Variants in GRM1 observed in about 807,000 individuals in gnomAD.
GRM1 encodes the protein glutamate metabotropic receptor 1.
In GRM1, 33 loss-of-function variants were observed where a neutral mutation model predicts 90.9. That is an observed-to-expected ratio of 0.36 (90% CI 0.28 to 0.49). The LOEUF (loss-of-function observed/expected upper bound fraction) is 0.49. Ranked by LOEUF, GRM1 falls within the 20% of genes least tolerant of loss-of-function variation. The pLI is 0.99. For missense variants in GRM1, 1,190 were observed against 1,534.3 expected (o/e 0.78, Z 3.75); for synonymous variants, 700 against 613.2 (o/e 1.14, Z -2.09).
intron 3 of GRM1, among the ~76,000 whole-genome samples, chr6:146,335,306 A>T (rs571669236): frequency 5.3e-5 from 8 of 152,262 alleles, no homozygotes; most frequent in African/African-American, 1.9e-4. Flanking sequence ...TACCTAACGC[A>T]TTGTTTCAGT....
chr6:146,320,543 G>A (rs1252907615), intron 3 of GRM1, among the ~76,000 whole-genome samples: 1 of 151,894 alleles, frequency 6.6e-6, no homozygotes, highest in Non-Finnish European at 1.5e-5. Context: ...AGAAATGGTA[G>A]CAGCAACTCT....
intron 1 of GRM1, among the ~76,000 whole-genome samples, chr6:146,032,253 T>C (rs1266708632): frequency 1.3e-5 from 2 of 152,172 alleles, no homozygotes; most frequent in African/African-American, 4.8e-5. Context: ...CCAGACTACA[T>C]TGTGTTCACA....
chr6:146,291,534 C>G (rs1216761814), intron 2 of GRM1, among the ~76,000 whole-genome samples: 1 of 151,674 alleles, frequency 6.6e-6, no homozygotes, highest in Non-Finnish European at 1.5e-5. Context: ...GAAAGTCCCC[C>G]TTGTCTTCTC....
At chr6:146,125,177 G>GA (rs891928211) in intron 1 of GRM1, among the ~76,000 whole-genome samples, 11 of 151,452 alleles carry the variant, frequency 7.3e-5, no homozygotes, top group African/African-American at 2.2e-4. Flanking sequence ...CGTTCTCTAA[G>GA]AAAAAAAATG....
intron 7 of GRM1, among the ~76,000 whole-genome samples, chr6:146,432,154 T>C (rs1398382779): frequency 6.6e-6 from 1 of 152,220 alleles, no homozygotes; most frequent in Non-Finnish European, 1.5e-5. Context: ...AGGCATATAT[T>C]TGAAAGAAAT....
intron 2 of GRM1, among the ~76,000 whole-genome samples, chr6:146,303,573 C>A (rs1783470018): frequency 6.6e-6 from 1 of 152,096 alleles, no homozygotes; most frequent in Non-Finnish European, 1.5e-5. Flanking sequence ...TAAATGTAAT[C>A]ATCAAGAATA....
intron 2 of GRM1, among the ~76,000 whole-genome samples, chr6:146,205,123 C>A (rs900042233): frequency 1.4e-4 from 22 of 152,198 alleles, no homozygotes; most frequent in African/African-American, 5.1e-4. Flanking sequence ...AAAGTGGCTT[C>A]AGGATAGTTT....
At chr6:146,217,076 C>A (rs1275553960) in intron 2 of GRM1, among the ~76,000 whole-genome samples, 1 of 152,036 alleles carries the variant, frequency 6.6e-6, no homozygotes, top group East Asian at 1.9e-4. Context: ...CTGGAGGAGC[C>A]TTGTGGGATC....
rs989318033 is a variant in GRM1, at chr6:146,256,596, G to A, written c.951-48015G>A. ...GAAGTTGATTGTGTTGCACTCCTAA[G>A]CCATCATCTTCAGCACTTTTGGATT... On this transcript the variant is annotated intron_variant, in intron 2 of 7. Transcript: ENST00000282753. Among the ~76,000 whole-genome samples the A allele has an allele frequency of 3.9e-5, 6 of 152,122 alleles. 1 individual carries two copies. The highest frequency in any genetic ancestry group is 1.9e-4 in the East Asian group (1 of 5,180).
At chr6:146,107,134 G>A (rs912664488) in intron 1 of GRM1, among the ~76,000 whole-genome samples, 6 of 151,970 alleles carry the variant, frequency 3.9e-5, no homozygotes, top group Admixed American at 1.3e-4. Flanking sequence ...GCAGGAAGAC[G>A]GCCTTCTATG....
chr6:146,217,821 T>C (rs940389582), intron 2 of GRM1, among the ~76,000 whole-genome samples: 1 of 147,020 alleles, frequency 6.8e-6, no homozygotes, highest in Non-Finnish European at 1.5e-5. Flanking sequence ...AATAGAGGAA[T>C]ATTTGCAAGG....
chr6:146,234,903 G>A (rs191118467), intron 2 of GRM1, among the ~76,000 whole-genome samples: 5 of 151,826 alleles, frequency 3.3e-5, no homozygotes, highest in Non-Finnish European at 7.4e-5. Flanking sequence ...CCACCACGCC[G>A]GACTAATTTT....
At chr6:146,370,882 T>C (rs1775872010) in intron 5 of GRM1, among the ~76,000 whole-genome samples, 2 of 152,112 alleles carry the variant, frequency 1.3e-5, no homozygotes, top group Non-Finnish European at 2.9e-5. Flanking sequence ...AGCACATAGT[T>C]TGACTTAATA....
At chr6:146,233,168 T>G (rs1780504500) in intron 2 of GRM1, among the ~76,000 whole-genome samples, 1 of 152,120 alleles carries the variant, frequency 6.6e-6, no homozygotes, top group South Asian at 2.1e-4. Flanking sequence ...GGTTCAGTTT[T>G]CTCTTGTTAT....
intron 2 of GRM1, among the ~76,000 whole-genome samples, chr6:146,300,574 G>A (rs1034956172): frequency 3.9e-5 from 6 of 152,218 alleles, no homozygotes; most frequent in African/African-American, 7.2e-5. Context: ...AAGACATACA[G>A]CTTTCTGTTA....
chr6:146,245,988 A>G (rs1781047375), intron 2 of GRM1, among the ~76,000 whole-genome samples: 1 of 152,208 alleles, frequency 6.6e-6, no homozygotes, highest in East Asian at 1.9e-4. Flanking sequence ...TGTTAAAAAT[A>G]TGTAGCTTCT....
At chr6:146,199,681 T>C (rs991613674) in intron 2 of GRM1, among the ~76,000 whole-genome samples, 1 of 149,706 alleles carries the variant, frequency 6.7e-6, no homozygotes, top group Non-Finnish European at 1.5e-5. Context: ...TATGACTGCA[T>C]TGTTGGTGGG....
intron 3 of GRM1, among the ~76,000 whole-genome samples, chr6:146,350,560 G>A (rs1447588484): frequency 1.3e-5 from 2 of 151,836 alleles, no homozygotes; most frequent in Non-Finnish European, 2.9e-5. Flanking sequence ...ATAAGGGCTT[G>A]TTTAAGAGTT....
At chr6:146,155,218 G>A (rs1777480340) in intron 1 of GRM1, among the ~76,000 whole-genome samples, 1 of 152,076 alleles carries the variant, frequency 6.6e-6, no homozygotes, top group South Asian at 2.1e-4. Context: ...GAAACAGTGG[G>A]CCACCCATAT....
Sources: gnomAD v4.1 joint callset for allele counts (sites outside exome capture counted in the v4.1 genomes callset) on GRCh38, gnomAD v4.1.1 for gene constraint, MANE v1.5 for transcripts, NCBI Gene and HGNC (gene_info 2026-07-23, HGNC 2026-07-21) for gene names.